Variants in IFT20 observed in about 807,000 individuals in gnomAD.
The protein encoded by IFT20 is intraflagellar transport 20.
A neutral mutation model predicts 16.9 loss-of-function variants in IFT20; 4 were observed. That is an observed-to-expected ratio of 0.24 (90% CI 0.12 to 0.54). The LOEUF (loss-of-function observed/expected upper bound fraction) is 0.54. Among genes scored for constraint, IFT20 ranks in the 20% least tolerant of loss-of-function variants. The pLI is 0.95. For synonymous variants in IFT20, 48 were observed against 49.9 expected (o/e 0.96, Z 0.16); for missense variants, 154 against 149.7 (o/e 1.03, Z -0.15).
At chr17:28,332,412 A>G (rs782526832) in intron 1 of IFT20, 5 of 511,900 alleles carry the variant, frequency 9.8e-6, no homozygotes, top group African/African-American at 3.9e-5. Context: ...GAAACTGAAA[A>G]ACCACACTGC....
intron 3 of IFT20, chr17:28,329,827 GA>G (rs782814770): frequency 4.5e-5 from 9 of 199,970 alleles, no homozygotes; most frequent in Non-Finnish European, 4.0e-5. Context: ...TTGGGAGGCT[GA>G]GGCGGGCGGA....
At chr17:28,331,723 C>T (rs1555576568) in intron 2 of IFT20, 136 bp downstream of exon 2, 5 of 1,053,742 alleles carry the variant, frequency 4.7e-6, no homozygotes, top group African/African-American at 3.1e-5. Flanking sequence ...AAAAGGGTGG[C>T]ACGTGGGAAC....
intron 2 of IFT20, 71 bp from the exon 3 acceptor site, chr17:28,330,599 C>T (rs1230884066): frequency 1.2e-5 from 12 of 1,040,684 alleles, no homozygotes; most frequent in African/African-American, 7.8e-5. Context: ...AGTGCTAAGG[C>T]AGTGAGAGGG....
At chr17:28,328,984 T>C in intron 4 of IFT20, 189 bp downstream of exon 4, 2 of 617,844 alleles carry the variant, frequency 3.2e-6, no homozygotes, top group Admixed American at 6.6e-5. Flanking sequence ...TGGTTTGATA[T>C]TAACAAGTTT....
In IFT20 at chr17:28,332,179, G is replaced by T. The variant is rs1555576675; in HGVS notation, c.-2-192C>A. ...CATCCAGGTTCCCTAGAGGAGTTCT[G>T]CTCTGAAGGAGTGACAGTGGCAGTC... is the stretch of plus-strand genomic sequence containing the variant. On this transcript the variant is annotated intron_variant, in intron 1 of 4. Coordinates refer to ENST00000395418, the MANE Select transcript of IFT20 (RefSeq NM_001267776.2). 5 of 1,538,298 alleles carry T rather than the reference G, an allele frequency of 3.3e-6. No individual in the cohort carries two copies. In the East Asian group the frequency reaches 1.2e-4, roughly 38 times the overall value.
intron 3 of IFT20, chr17:28,329,784 G>A (rs782103826): frequency 4.1e-5 from 7 of 171,732 alleles, no homozygotes; most frequent in African/African-American, 7.1e-5. Flanking sequence ...AAAAATGGCC[G>A]GGCGCAGTCA....
intron 3 of IFT20, chr17:28,329,702 G>GTTCACT (rs1388600109): frequency 1.8e-5 from 3 of 165,630 alleles, no homozygotes; most frequent in African/African-American, 7.2e-5. Flanking sequence ...AAGGTAGGCA[G>GTTCACT]TTCACTTGAG....
At chr17:28,330,890 G>A (rs891885678) in intron 2 of IFT20, among the ~76,000 whole-genome samples, 5 of 152,152 alleles carry the variant, frequency 3.3e-5, no homozygotes. Flanking sequence ...GGGCATACTC[G>A]GACCTTGCAT....
intron 1 of IFT20, 46 bp from the exon 2 acceptor site, chr17:28,332,033 A>G (rs1555576646): frequency 6.2e-7 from 1 of 1,613,272 alleles, no homozygotes; most frequent in Non-Finnish European, 8.5e-7. Flanking sequence ...CAGCCACCCA[A>G]GGAAATGCCT....
chr17:28,331,891 T>C lies in IFT20; in HGVS notation c.95A>G (p.Glu32Gly). 2.5e-6 allele frequency: 4 copies of C among 1,614,164 alleles called. No homozygotes were observed. The highest frequency in any genetic ancestry group is 3.4e-6 in the Non-Finnish European group (4 of 1,180,006). The change falls in exon 2 of 5, where the codon GAG (glutamate) becomes GGG (glycine). Residue 32 changes from glutamate (E) to glycine (G), a missense_variant. Physicochemically the swap from Glu to Gly is moderately conservative, Grantham distance 98. Coordinates refer to ENST00000395418, the MANE Select transcript of IFT20 (RefSeq NM_001267776.2). Reference sequence around the variant, plus strand: ...AAAGTCTTTGCACTCTTCCTTCAGCTCTATGGTCTGCTGGGTAACCTCTGG... The same window carrying C: ...AAAGTCTTTGCACTCTTCCTTCAGCCCTATGGTCTGCTGGGTAACCTCTGG... ...LDPEVTQQTI[E>G]LKEECKDFVD... is the part of the protein sequence containing the mutation.
In IFT20 at chr17:28,331,730, G is replaced by T. The variant is rs1555576571; in HGVS notation, c.127+129C>A. ...GCAGACAGAAAAGGGTGGCACGTGG[G>T]AACTCACAGACGCCAGATTCAACCT... On this transcript the variant is annotated intron_variant, in intron 2 of 4. Coordinates refer to ENST00000395418, the MANE Select transcript of IFT20 (RefSeq NM_001267776.2). 3 of 1,163,660 alleles carry T rather than the reference G, an allele frequency of 2.6e-6. No individual in the cohort carries two copies. In the Admixed American group the frequency reaches 5.5e-5, roughly 21 times the overall value. The allele number at this position is 1,163,660 out of a possible 1,614,324, so 72.1% of individuals were successfully genotyped here. A position where few individuals can be genotyped will look rare whatever the true frequency, so the allele number is the denominator to read the frequency against.
At chr17:28,329,421 GA>G (rs1482809290) in intron 3 of IFT20, 145 bp from the exon 4 acceptor site, 3 of 637,584 alleles carry the variant, frequency 4.7e-6, no homozygotes. Context: ...GGTTAAGTCA[GA>G]AGGATTAACC....
At chr17:28,333,046 G>T (rs1555576814) in intron 1 of IFT20, among the ~76,000 whole-genome samples, 1 of 143,140 alleles carries the variant, frequency 7.0e-6, no homozygotes, top group African/African-American at 2.6e-5. Context: ...AGGAAATACT[G>T]AAAACTCACT....
At chr17:28,333,012 C>G (rs370672709) in intron 1 of IFT20, among the ~76,000 whole-genome samples, 32 of 150,600 alleles carry the variant, frequency 2.1e-4, no homozygotes, top group Middle Eastern at 3.4e-3. Flanking sequence ...CATTCCTGTT[C>G]CAAAGGATGC....
In IFT20 at chr17:28,335,465, T is replaced by C. The variant is rs1295191710; in HGVS notation, c.-128A>G. The C allele has an allele frequency of 6.6e-6, 1 of 152,368 alleles. No individual in the cohort carries two copies. The highest frequency in any genetic ancestry group is 2.4e-5 in the African/African-American group (1 of 41,438). 9.4% of individuals were successfully genotyped at this position (152,368 alleles called of 1,614,324 possible). A position where few individuals can be genotyped will look rare whatever the true frequency, so the allele number is the denominator to read the frequency against. On this transcript the variant is annotated 5_prime_UTR_variant, in exon 1 of 5. Coordinates refer to ENST00000395418, the MANE Select transcript of IFT20 (RefSeq NM_001267776.2). ...CCGCTGCCACGGATACAGAGCCTGT[T>C]TACCTATGACGTCACTACCTTCCTG...
chr17:28,333,916 G>A (rs1039551280), intron 1 of IFT20, among the ~76,000 whole-genome samples: 5 of 152,030 alleles, frequency 3.3e-5, no homozygotes, highest in Non-Finnish European at 7.4e-5. Flanking sequence ...GGGCAACAGA[G>A]TGAGACCCTG....
rs184975316 is a variant in IFT20 at position 28,330,128 on chromosome 17, C to T, written c.213+315G>A. ...GCACACACCTGTAGTCCCACCTACTCGGGAGGGTGAGGTGGGAGAATCGCT... is the reference window on the plus strand; with the variant it reads ...GCACACACCTGTAGTCCCACCTACTTGGGAGGGTGAGGTGGGAGAATCGCT... On this transcript the variant is annotated intron_variant, in intron 3 of 4. Transcript: ENST00000395418. 2,394 of 614,324 alleles carry T rather than the reference C, an allele frequency of 3.9e-3. 13 individuals are homozygous for T. The highest frequency in any genetic ancestry group is 5.7e-3 in the Non-Finnish European group (1,998 of 348,442). The allele number at this position is 614,324 out of a possible 1,614,324, so 38.1% of individuals were successfully genotyped here.
intron 1 of IFT20, among the ~76,000 whole-genome samples, chr17:28,333,903 C>G (rs1906952962): frequency 6.6e-6 from 1 of 152,108 alleles, no homozygotes; most frequent in Non-Finnish European, 1.5e-5. Context: ...TGCACTCCAG[C>G]CTGGGCAACA....
At chr17:28,334,924 G>A (rs1907039399) in intron 1 of IFT20, among the ~76,000 whole-genome samples, 1 of 152,188 alleles carries the variant, frequency 6.6e-6, no homozygotes, top group Non-Finnish European at 1.5e-5. Context: ...AGATAGGTAA[G>A]ATGGAAGAAG....
Sources: gnomAD v4.1 joint callset for allele counts (sites outside exome capture counted in the v4.1 genomes callset) on GRCh38, gnomAD v4.1.1 for gene constraint, MANE v1.5 for transcripts, NCBI Gene and HGNC (gene_info 2026-07-23, HGNC 2026-07-21) for gene names.